The following DSCAM variants were observed in gnomAD, a reference collection of about 807,000 sequenced individuals.
DSCAM encodes the protein cell adhesion molecule DSCAM.
DSCAM carries 47 observed loss-of-function variants against 217.7 expected under a neutral mutation model. The observed-to-expected ratio is 0.22, with a 90% confidence interval of 0.17 to 0.28. DSCAM has a LOEUF of 0.28. DSCAM is among the 10% of genes least tolerant of loss of function. DSCAM has a pLI of 1.00. For missense variants in DSCAM, 2,080 were observed against 2,618.3 expected (o/e 0.79, Z 4.49); for synonymous variants, 1,056 against 1,015.3 (o/e 1.04, Z -0.76).
intron 3 of DSCAM, among the ~76,000 whole-genome samples, chr21:40,548,920 C>G (rs1430085498): frequency 6.6e-6 from 1 of 152,156 alleles, no homozygotes; most frequent in South Asian, 2.1e-4. Context: ...TAGGGTAAAA[C>G]AAGGCCGGGC....
intron 19 of DSCAM, among the ~76,000 whole-genome samples, chr21:40,130,064 G>C (rs2090139357): frequency 6.6e-6 from 1 of 152,138 alleles, no homozygotes; most frequent in African/African-American, 2.4e-5. Flanking sequence ...TTAGTGATGT[G>C]TTCAGTAAAT....
At chr21:40,710,525 T>C (rs2090768744) in intron 1 of DSCAM, among the ~76,000 whole-genome samples, 1 of 152,236 alleles carries the variant, frequency 6.6e-6, no homozygotes, top group Non-Finnish European at 1.5e-5. Flanking sequence ...TAAATATCAG[T>C]GAATGCACAA....
Position 40,101,642 on chromosome 21 carries a change from CCA to C in DSCAM, c.3697-7770_3697-7769del, listed in dbSNP as rs1280523002. ...ACCGATGTCATGTAACAGGGGCAAT[CCA>C]CAGTGTTCTTAGGGGAAGATTTGGG... On this transcript the variant is annotated intron_variant, in intron 20 of 32. Transcript: ENST00000400454. Among the ~76,000 whole-genome samples the C allele has an allele frequency of 2.6e-5, 4 of 152,156 alleles. No homozygotes were observed. The East Asian group carries it at 5.8e-4, about 22-fold the overall frequency.
intron 3 of DSCAM, among the ~76,000 whole-genome samples, chr21:40,517,917 A>G (rs1342344688): frequency 6.6e-6 from 1 of 152,038 alleles, no homozygotes; most frequent in Non-Finnish European, 1.5e-5. Context: ...CTCATTTTTC[A>G]TCACCTGTTT....
chr21:40,453,458 C>G (rs1428580819), intron 3 of DSCAM, among the ~76,000 whole-genome samples: 1 of 152,178 alleles, frequency 6.6e-6, no homozygotes, highest in African/African-American at 2.4e-5. Context: ...CACAAAACGC[C>G]TGCAACAACA....
chr21:40,546,808 C>G (rs1270115900), intron 3 of DSCAM, among the ~76,000 whole-genome samples: 1 of 152,192 alleles, frequency 6.6e-6, no homozygotes, highest in East Asian at 1.9e-4. Flanking sequence ...ACCCCAAAAC[C>G]CATAGAAAAA....
At chr21:40,176,428 G>A (rs1174059453) in intron 15 of DSCAM, among the ~76,000 whole-genome samples, 1 of 152,062 alleles carries the variant, frequency 6.6e-6, no homozygotes, top group Non-Finnish European at 1.5e-5. Context: ...GGGAACAGTG[G>A]GACAAGGTCA....
intron 3 of DSCAM, among the ~76,000 whole-genome samples, chr21:40,457,858 G>C (rs1292922072): frequency 3.3e-5 from 5 of 152,140 alleles, no homozygotes; most frequent in Admixed American, 3.3e-4. Context: ...AAATTGGAAA[G>C]GAAAGCCATG....
At chr21:40,786,431 C>G (rs971185832) in intron 1 of DSCAM, among the ~76,000 whole-genome samples, 1 of 152,132 alleles carries the variant, frequency 6.6e-6, no homozygotes. Context: ...ATGAGGTCCA[C>G]GAACCAGCAG....
chr21:40,183,611 T>C (rs918382640), intron 14 of DSCAM, among the ~76,000 whole-genome samples: 5 of 152,084 alleles, frequency 3.3e-5, no homozygotes, highest in East Asian at 3.9e-4. Context: ...GGTTAAGAGG[T>C]GGGAGGAGAG....
At chr21:40,341,142 T>C (rs1025131147) in intron 6 of DSCAM, among the ~76,000 whole-genome samples, 29 of 152,372 alleles carry the variant, frequency 1.9e-4, no homozygotes, top group Non-Finnish European at 3.7e-4. Flanking sequence ...CTATCAGAGA[T>C]GAAAAAGACA....
chr21:40,355,868 T>C (rs966342035), intron 4 of DSCAM, among the ~76,000 whole-genome samples: 1 of 152,204 alleles, frequency 6.6e-6, no homozygotes, highest in African/African-American at 2.4e-5. Context: ...AGATTTCACA[T>C]GTATGTGAGA....
At chr21:40,559,406 T>A (rs989414774) in intron 3 of DSCAM, among the ~76,000 whole-genome samples, 2 of 148,474 alleles carry the variant, frequency 1.3e-5, no homozygotes, top group Non-Finnish European at 3.0e-5. Context: ...TGCAGTGCGC[T>A]GAGATCGCAC....
At chr21:40,836,512 T>C (rs2092057825) in intron 1 of DSCAM, among the ~76,000 whole-genome samples, 1 of 152,168 alleles carries the variant, frequency 6.6e-6, no homozygotes, top group Non-Finnish European at 1.5e-5. Context: ...GATGCCCAAA[T>C]TCTTATGGTG....
At chr21:40,414,004 G>A (rs753565555) in intron 3 of DSCAM, among the ~76,000 whole-genome samples, 13 of 152,160 alleles carry the variant, frequency 8.5e-5, no homozygotes, top group Non-Finnish European at 1.5e-4. Context: ...CTAAATGTAA[G>A]AGCTGAAACT....
At chr21:40,325,194 G>T (rs914386008) in intron 8 of DSCAM, among the ~76,000 whole-genome samples, 1 of 151,936 alleles carries the variant, frequency 6.6e-6, no homozygotes, top group African/African-American at 2.4e-5. Context: ...GTGAGACAAG[G>T]GTATAAAAAG....
chr21:40,593,113 C>G (rs1487388113), intron 3 of DSCAM, among the ~76,000 whole-genome samples: 1 of 152,192 alleles, frequency 6.6e-6, no homozygotes, highest in Non-Finnish European at 1.5e-5. Flanking sequence ...TTAACTTAAA[C>G]TACACTATTT....
At chr21:40,431,093 T>C (rs1380049521) in intron 3 of DSCAM, among the ~76,000 whole-genome samples, 2 of 152,184 alleles carry the variant, frequency 1.3e-5, no homozygotes, top group Admixed American at 6.5e-5. Flanking sequence ...AGAACAAAAA[T>C]AGTTATCCTG....
intron 11 of DSCAM, among the ~76,000 whole-genome samples, chr21:40,259,658 A>ATCCT (rs2073421523): frequency 1.7e-5 from 1 of 60,134 alleles, no homozygotes; most frequent in Non-Finnish European, 4.2e-5. Context: ...TGAGTCAGCC[A>ATCCT]TTCTTTTTTT....
Sources: gnomAD v4.1 joint callset for allele counts (sites outside exome capture counted in the v4.1 genomes callset) on GRCh38, gnomAD v4.1.1 for gene constraint, MANE v1.5 for transcripts, NCBI Gene and HGNC (gene_info 2026-07-23, HGNC 2026-07-21) for gene names.